Variants in DAB1 observed in about 807,000 individuals in gnomAD.
DAB1 encodes disabled homolog 1.
In DAB1, 15 loss-of-function variants were observed where a neutral mutation model predicts 64.6. The ratio of observed to expected loss-of-function variants is 0.23; its 90% confidence interval spans 0.16 to 0.36. DAB1 has a LOEUF of 0.36. DAB1 is among the 10% of genes least tolerant of loss of function. The probability of loss-of-function intolerance (pLI) is 1.00; values close to 1 mark genes in which losing one functional copy is unlikely to be tolerated. For synonymous variants in DAB1, 235 were observed against 251.9 expected (o/e 0.93, Z 0.64); for missense variants, 596 against 706.7 (o/e 0.84, Z 1.78).
Position 57,626,134 on chromosome 1 carries a change from C to A in DAB1, n.625+23458G>T, listed in dbSNP as rs141628468. On this transcript the variant is annotated intron_variant and non_coding_transcript_variant, in intron 7 of 20. Transcript: ENST00000485760. ...AAGCAGTGACAACTTGATTATTCAT[C>A]ATGATTACTGTGCTTGCTTCCACAA... Among the ~76,000 whole-genome samples the A allele has an allele frequency of 5.6e-3, 845 of 151,714 alleles. 10 individuals carry two copies. The highest frequency in any genetic ancestry group is 0.019 in the African/African-American group (769 of 41,336).
intron 6 of DAB1, among the ~76,000 whole-genome samples, chr1:57,696,017 A>G (rs552940518): frequency 1.3e-5 from 2 of 152,286 alleles, no homozygotes; most frequent in East Asian, 3.9e-4. Context: ...GAGAACCTTA[A>G]CACCCAAGAA....
Position 57,594,666 on chromosome 1 carries a change from CG to C in DAB1, n.625+54925del, listed in dbSNP as rs1645484438. 2.0e-5 allele frequency among the ~76,000 whole-genome samples: 3 copies of C among 152,210 alleles called. No individual in the cohort carries two copies. In the South Asian group the frequency reaches 6.2e-4, roughly 32 times the overall value. ...TTTGTTCTAAATTTTCAATCCAAGA[CG>C]TTTAGGGGATCAGAAAAATCACAAT... On this transcript the variant is annotated intron_variant and non_coding_transcript_variant, in intron 7 of 20. Coordinates refer to the DAB1 transcript ENST00000485760.
chr1:57,101,638 T>A (rs932607295), intron 4 of DAB1, among the ~76,000 whole-genome samples: 1 of 152,222 alleles, frequency 6.6e-6, no homozygotes, highest in Non-Finnish European at 1.5e-5. Context: ...ACAGGCATGC[T>A]GTTTATTGAT....
At chr1:57,510,591 G>T (rs1327863886) in intron 7 of DAB1, among the ~76,000 whole-genome samples, 1 of 151,850 alleles carries the variant, frequency 6.6e-6, no homozygotes, top group East Asian at 1.9e-4. Context: ...ATGCCTTTAG[G>T]GAAGCTCTTT....
chr1:57,882,253 C>A (rs968307873), intron 1 of DAB1, among the ~76,000 whole-genome samples: 2 of 152,168 alleles, frequency 1.3e-5, no homozygotes, highest in African/African-American at 2.4e-5. Context: ...AGCCTGTCCA[C>A]AGGACATGAG....
chr1:57,868,514 C>A (rs1288877962), intron 1 of DAB1, among the ~76,000 whole-genome samples: 1 of 152,126 alleles, frequency 6.6e-6, no homozygotes, highest in African/African-American at 2.4e-5. Flanking sequence ...GAGTTACTGA[C>A]CTCTTAGGGC....
chr1:57,547,446 A>G (rs1330055760), intron 7 of DAB1, among the ~76,000 whole-genome samples: 3 of 152,214 alleles, frequency 2.0e-5, no homozygotes, highest in Non-Finnish European at 4.4e-5. Context: ...GGCTTAATTT[A>G]GTAATTTCAC....
intron 7 of DAB1, among the ~76,000 whole-genome samples, chr1:57,585,286 T>A (rs2101559873): frequency 6.9e-6 from 1 of 145,286 alleles, no homozygotes; most frequent in Non-Finnish European, 1.5e-5. Flanking sequence ...GACTTACACC[T>A]TAGTGACAGA....
intron 3 of DAB1, among the ~76,000 whole-genome samples, chr1:58,481,811 A>G (rs935374857): frequency 6.6e-6 from 1 of 152,142 alleles, no homozygotes; most frequent in Non-Finnish European, 1.5e-5. Context: ...CCCCCTGCAT[A>G]TGCTCTCTTG....
intron 4 of DAB1, among the ~76,000 whole-genome samples, chr1:57,133,861 T>C (rs1264938220): frequency 6.6e-6 from 1 of 152,120 alleles, no homozygotes; most frequent in African/African-American, 2.4e-5. Flanking sequence ...AAAAAAAACT[T>C]CATTTAGAAC....
intron 7 of DAB1, among the ~76,000 whole-genome samples, chr1:57,584,286 T>C (rs1249443832): frequency 6.6e-6 from 1 of 152,226 alleles, no homozygotes; most frequent in Non-Finnish European, 1.5e-5. Context: ...TCTCTGTGAA[T>C]CTGTTGTGAT....
At chr1:58,122,288 C>T (rs1480567609) in intron 5 of DAB1, among the ~76,000 whole-genome samples, 2 of 152,162 alleles carry the variant, frequency 1.3e-5, no homozygotes, top group Non-Finnish European at 2.9e-5. Context: ...TTAATTGTTG[C>T]AACATGGCAA....
At chr1:58,294,896 G>GTA (rs1557724398) in intron 4 of DAB1, among the ~76,000 whole-genome samples, 1 of 151,210 alleles carries the variant, frequency 6.6e-6, no homozygotes, top group African/African-American at 2.5e-5. Flanking sequence ...GTGTGTGTGT[G>GTA]TGTGTGTTTG....
At chr1:57,176,959 G>A (rs551570222) in intron 2 of DAB1, among the ~76,000 whole-genome samples, 1 of 98,176 alleles carries the variant, frequency 1.0e-5, no homozygotes, top group Admixed American at 1.1e-4. Flanking sequence ...AAAAAAAGAA[G>A]CAGCAGCAGA....
chr1:57,473,878 G>A (rs1570552743), intron 7 of DAB1, among the ~76,000 whole-genome samples: 2 of 152,082 alleles, frequency 1.3e-5, no homozygotes, highest in South Asian at 2.1e-4. Context: ...CCGTAAAAAT[G>A]TCTATTCATT....
chr1:57,574,950 A>T (rs1371350346), intron 7 of DAB1, among the ~76,000 whole-genome samples: 3 of 152,230 alleles, frequency 2.0e-5, no homozygotes, highest in Non-Finnish European at 2.9e-5. Flanking sequence ...TCCATATAAA[A>T]GATACCTTAT....
intron 7 of DAB1, among the ~76,000 whole-genome samples, chr1:57,540,827 T>C (rs926056834): frequency 2.6e-5 from 4 of 151,988 alleles, no homozygotes; most frequent in African/African-American, 9.7e-5. Context: ...ATGTGTGTAG[T>C]GGGTAGGGGG....
intron 4 of DAB1, among the ~76,000 whole-genome samples, chr1:58,196,257 A>G (rs1194029568): frequency 6.6e-6 from 1 of 152,226 alleles, no homozygotes; most frequent in Non-Finnish European, 1.5e-5. Flanking sequence ...TGGAGCCATA[A>G]GAAATTTAGA....
At chr1:57,837,331 T>G (rs1210584114) in intron 1 of DAB1, among the ~76,000 whole-genome samples, 3 of 152,180 alleles carry the variant, frequency 2.0e-5, no homozygotes, top group African/African-American at 4.8e-5. Context: ...TCTAACACAT[T>G]CATGTTTCCA....
Sources: allele counts gnomAD v4.1 joint callset (sites outside exome capture counted in the v4.1 genomes callset), GRCh38; gene constraint gnomAD v4.1.1; transcripts MANE v1.5; gene names NCBI Gene and HGNC (gene_info 2026-07-23, HGNC 2026-07-21).